The following SEMA5A variants were observed in gnomAD, a reference collection of about 807,000 sequenced individuals.
SEMA5A encodes the protein semaphorin-5A.
Under a neutral mutation model 135.5 loss-of-function variants are expected in SEMA5A, and 55 were observed. That is an observed-to-expected ratio of 0.41 (90% CI 0.33 to 0.51). The LOEUF (loss-of-function observed/expected upper bound fraction) is 0.51, where lower values mean the gene tolerates loss of function less well. SEMA5A is among the 20% of genes least tolerant of loss of function. SEMA5A has a pLI of 0.37. For missense variants in SEMA5A, 1,290 were observed against 1,419.9 expected (o/e 0.91, Z 1.47); for synonymous variants, 580 against 546.5 (o/e 1.06, Z -0.85).
At position 9,041,327 on chromosome 5, in the gene SEMA5A, C is replaced by T. The variant is rs927078678; in HGVS notation, c.*1570G>A. On this transcript the variant is annotated 3_prime_UTR_variant, in exon 23 of 23. Coordinates refer to ENST00000382496, the MANE Select transcript of SEMA5A (RefSeq NM_003966.3). ...CCTACTATATTTTCTTTCATAGATC[C>T]GAAGGTTCATTTGTAAGAACACGTT... 5 of 152,086 alleles carry T rather than the reference C, an allele frequency of 3.3e-5. No homozygotes were observed. Among genetic ancestry groups the T allele is most frequent in the African/African-American group, 1.2e-4 (5 of 41,408 alleles). The allele number at this position is 152,086 out of a possible 1,614,324, so 9.4% of individuals were successfully genotyped here.
At chr5:9,057,592 C>A (rs1385159523) in intron 18 of SEMA5A, among the ~76,000 whole-genome samples, 1 of 152,124 alleles carries the variant, frequency 6.6e-6, no homozygotes, top group African/African-American at 2.4e-5. Context: ...TTTGAATAAC[C>A]GTTTAAGAGA....
At chr5:9,317,636 A>AT (rs1752448856) in intron 5 of SEMA5A, among the ~76,000 whole-genome samples, 1 of 152,236 alleles carries the variant, frequency 6.6e-6, no homozygotes, top group South Asian at 2.1e-4. Context: ...GCTCTAGCAC[A>AT]TGAGAGTGAG....
chr5:9,106,110 T>C (rs1041008714), intron 16 of SEMA5A, among the ~76,000 whole-genome samples: 1 of 152,170 alleles, frequency 6.6e-6, no homozygotes, highest in African/African-American at 2.4e-5. Context: ...TTGCTCCTCA[T>C]TGCCGCAATA....
chr5:9,421,522 T>G (rs1757468379), intron 2 of SEMA5A, among the ~76,000 whole-genome samples: 1 of 152,216 alleles, frequency 6.6e-6, no homozygotes, highest in African/African-American at 2.4e-5. Context: ...ACGGGTGTTT[T>G]TCTTTGTATA....
intron 5 of SEMA5A, among the ~76,000 whole-genome samples, chr5:9,291,587 AAGAG>A (rs1250749271): frequency 1.4e-5 from 2 of 139,888 alleles, no homozygotes; most frequent in South Asian, 2.2e-4. Flanking sequence ...AGAAGCAGGA[AAGAG>A]AGAGAGAGAG....
intron 15 of SEMA5A, among the ~76,000 whole-genome samples, chr5:9,111,502 A>G (rs1253973139): frequency 6.6e-6 from 1 of 152,204 alleles, no homozygotes; most frequent in African/African-American, 2.4e-5. Flanking sequence ...CCGCAGGGTA[A>G]CCCGTGCATG....
At chr5:9,274,245 C>T (rs1456673279) in intron 5 of SEMA5A, among the ~76,000 whole-genome samples, 4 of 151,668 alleles carry the variant, frequency 2.6e-5, no homozygotes, top group Non-Finnish European at 2.9e-5. Context: ...GAGACAAGGA[C>T]ATTACATAAT....
chr5:9,178,943 G>A (rs1391948329), intron 11 of SEMA5A, among the ~76,000 whole-genome samples: 1 of 152,142 alleles, frequency 6.6e-6, no homozygotes, highest in Admixed American at 6.5e-5. Context: ...AGTAACTCGT[G>A]TTCTACATTA....
intron 5 of SEMA5A, among the ~76,000 whole-genome samples, chr5:9,262,865 G>C (rs1579739339): frequency 8.3e-6 from 1 of 121,178 alleles, no homozygotes; most frequent in Middle Eastern, 4.7e-3. Flanking sequence ...CCTGCACAAT[G>C]TGCACATGTA....
intron 13 of SEMA5A, among the ~76,000 whole-genome samples, chr5:9,126,316 G>C (rs1242957090): frequency 6.6e-6 from 1 of 152,104 alleles, no homozygotes; most frequent in African/African-American, 2.4e-5. Context: ...TCCTGCCCAT[G>C]CCTCTCATTA....
At chr5:9,197,728 TTGTG>T (rs70943946) in intron 9 of SEMA5A, among the ~76,000 whole-genome samples, 93 of 59,292 alleles carry the variant, frequency 1.6e-3, no homozygotes, top group African/African-American at 4.1e-3. Context: ...GGAAAGCTGT[TTGTG>T]TGTGTGTGTG....
intron 12 of SEMA5A, among the ~76,000 whole-genome samples, chr5:9,146,209 TATC>T (rs1742325752): frequency 6.6e-6 from 1 of 152,146 alleles, no homozygotes; most frequent in Admixed American, 6.6e-5. Context: ...GAACCCCTCT[TATC>T]ATGTCTTCCT....
chr5:9,233,297 T>G (rs1747731710), intron 6 of SEMA5A, among the ~76,000 whole-genome samples: 1 of 152,242 alleles, frequency 6.6e-6, no homozygotes, highest in Admixed American at 6.5e-5. Context: ...CACAAGGAAC[T>G]CTTGTTAGGT....
At chr5:9,108,397 C>T (rs1258001236) in intron 15 of SEMA5A, 110 bp from the exon 16 acceptor site, 8 of 1,248,386 alleles carry the variant, frequency 6.4e-6, no homozygotes, top group Admixed American at 2.1e-5. Flanking sequence ...GCATGCTCTG[C>T]GTGGAGGAGC....
At chr5:9,486,109 T>C (rs1734704119) in intron 1 of SEMA5A, among the ~76,000 whole-genome samples, 1 of 152,108 alleles carries the variant, frequency 6.6e-6, no homozygotes, top group South Asian at 2.1e-4. Context: ...AATGAGATCA[T>C]GTCGTCTTCA....
At chr5:9,376,462 T>C (rs1197193200) in intron 3 of SEMA5A, among the ~76,000 whole-genome samples, 1 of 152,166 alleles carries the variant, frequency 6.6e-6, no homozygotes, top group Non-Finnish European at 1.5e-5. Context: ...GAAACCTTTT[T>C]CAACCACCGT....
chr5:9,190,168 C>CTT, intron 11 of SEMA5A, 99 bp downstream of exon 11: 1 of 1,279,446 alleles, frequency 7.8e-7, no homozygotes, highest in Non-Finnish European at 1.1e-6. Context: ...AGACATCAGG[C>CTT]GTAAAGCTTG....
intron 1 of SEMA5A, among the ~76,000 whole-genome samples, chr5:9,486,290 G>T (rs1734722140): frequency 6.6e-6 from 1 of 152,154 alleles, no homozygotes; most frequent in South Asian, 2.1e-4. Flanking sequence ...GATTGTGAGG[G>T]GGAGGGAGAG....
At chr5:9,265,507 G>A (rs1268271343) in intron 5 of SEMA5A, 1 of 456,418 alleles carries the variant, frequency 2.2e-6, no homozygotes. Context: ...CTCCCATGTG[G>A]CTTTGTGTGG....
Sources: gnomAD v4.1 joint callset for allele counts (sites outside exome capture counted in the v4.1 genomes callset) on GRCh38, gnomAD v4.1.1 for gene constraint, MANE v1.5 for transcripts, NCBI Gene and HGNC (gene_info 2026-07-23, HGNC 2026-07-21) for gene names.